The following FBXO24 variants were observed in gnomAD, a reference collection of about 807,000 sequenced individuals.
FBXO24 encodes F-box only protein 24.
A neutral mutation model predicts 63.5 loss-of-function variants in FBXO24; 30 were observed. The observed-to-expected ratio is 0.47, with a 90% CI of 0.35 to 0.64. The LOEUF (loss-of-function observed/expected upper bound fraction) is 0.64. Ranked by LOEUF, FBXO24 falls within the 30% of genes least tolerant of loss-of-function variation. The pLI is 0.00. For synonymous variants in FBXO24, 300 were observed against 305.0 expected, an observed-to-expected ratio of 0.98 and a Z score of 0.17; for missense variants, 624 against 763.4, an observed-to-expected ratio of 0.82 and a Z score of 2.15.
chr7:100,586,507 C>A lies in FBXO24; in HGVS notation c.-119C>A. 9.3e-7 allele frequency: 1 copy of A among 1,074,584 alleles called. No homozygotes were observed. The highest frequency in any genetic ancestry group is 1.4e-6 in the Non-Finnish European group (1 of 706,758). 66.6% of individuals were successfully genotyped at this position (1,074,584 alleles called of 1,614,324 possible). A position where few individuals can be genotyped will look rare whatever the true frequency, so the allele number is the denominator to read the frequency against. On this transcript the variant is annotated 5_prime_UTR_variant, in exon 1 of 10. Transcript: ENST00000241071. ...AAGCAGGGGGTGCCTAGTCCTCGTC[C>A]CCCAAAGACCAATCGTAAGCCAGAT...
rs1372732332 is a variant in FBXO24 at position 100,600,823 on chromosome 7, T to C, written c.1667T>C (p.Phe556Ser). Reference protein sequence around the residue: ...MPLMAAQKDFFWEALDMLQRA... With the variant: ...MPLMAAQKDFSWEALDMLQRA... Reference sequence around the variant, plus strand: ...CTGATGGCCGCACAGAAGGACTTCTTCTGGGAGGCCCTGGACATGCTGCAG... The same window carrying C: ...CTGATGGCCGCACAGAAGGACTTCTCCTGGGAGGCCCTGGACATGCTGCAG... Residue 556 changes from phenylalanine to serine, a missense_variant, in exon 10 of 10, where the codon TTC becomes TCC. By Grantham distance (155) the Phe-to-Ser change is radical. Transcript: ENST00000241071. This position sits in a 1 kb window ranked among gnomAD's most constrained non-coding sequence, Gnocchi z 6.3. 4 of 1,614,096 alleles carry C rather than the reference T, an allele frequency of 2.5e-6. No homozygotes were observed. Among genetic ancestry groups the C allele is most frequent in the Non-Finnish European group, 2.5e-6 (3 of 1,179,982 alleles).
chr7:100,599,247 C>T (rs1257447848), intron 8 of FBXO24, among the ~76,000 whole-genome samples: 1 of 151,938 alleles, frequency 6.6e-6, no homozygotes, highest in East Asian at 1.9e-4. Context: ...GAATGAGACC[C>T]CATCTCTAAA....
chr7:100,592,008 CCTAG>C, intron 4 of FBXO24, 106 bp downstream of exon 4: 1 of 1,143,412 alleles, frequency 8.7e-7, no homozygotes, highest in Non-Finnish European at 1.3e-6. Context: ...CACCTGTAAT[CCTAG>C]CACTTTGGGA....
rs761960792 is a variant in FBXO24, at chr7:100,586,614, C to A, written c.-12C>A. 1 of 1,614,226 alleles carries A rather than the reference C, an allele frequency of 6.2e-7. No individual in the cohort carries two copies. Among genetic ancestry groups the A allele is most frequent in the Admixed American group, 1.7e-5 (1 of 60,034 alleles). ...GCCTCTTCTCTGAGGGACGGCTCTA[C>A]CTACCAATAGCATGGGCGAGAAGGC... On this transcript the variant is annotated 5_prime_UTR_variant, in exon 1 of 10. Coordinates refer to ENST00000241071, the MANE Select transcript of FBXO24 (RefSeq NM_033506.3).
chr7:100,589,971 G>T lies in FBXO24; in HGVS notation c.40-6G>T. 6.2e-7 allele frequency: 1 copy of T among 1,611,990 alleles called. No homozygotes were observed. Among genetic ancestry groups the T allele is most frequent in the Non-Finnish European group, 8.5e-7 (1 of 1,179,000 alleles). ...CATGGGACCCTATGCACCCCTTCTT[G>T]GGTAGGTGAAGAGAAGCTGCCCTTC... On this transcript the variant is annotated splice_polypyrimidine_tract_variant and splice_region_variant and intron_variant, in intron 1 of 9. Transcript: ENST00000241071.
chr7:100,588,583 C>T (rs1282159289), intron 1 of FBXO24, among the ~76,000 whole-genome samples: 3 of 152,178 alleles, frequency 2.0e-5, no homozygotes, highest in Non-Finnish European at 4.4e-5. Context: ...CTTTGAGCCC[C>T]TGCAAGAGCC....
At chr7:100,595,374 C>T (rs1002934016) in intron 7 of FBXO24, 151 bp downstream of exon 7, 103 of 1,434,502 alleles carry the variant, frequency 7.2e-5, no homozygotes, top group Middle Eastern at 1.9e-4. Flanking sequence ...GGGCTCGGTG[C>T]GGAGGGAGGC....
intron 8 of FBXO24, among the ~76,000 whole-genome samples, chr7:100,595,983 A>G (rs1802286538): frequency 6.6e-6 from 1 of 152,186 alleles, no homozygotes; most frequent in Non-Finnish European, 1.5e-5. Context: ...AGAAGAGGTA[A>G]GATGTGAGCA....
intron 5 of FBXO24, among the ~76,000 whole-genome samples, chr7:100,593,562 A>C (rs1347686359): frequency 6.7e-6 from 1 of 148,712 alleles, no homozygotes; most frequent in Admixed American, 6.9e-5. Context: ...CAGGAGGCAG[A>C]GGTTGCAGTG....
At position 100,586,439 on chromosome 7, in the gene FBXO24, G is replaced by A; in HGVS notation, c.-187G>A. 4 of 668,160 alleles carry A rather than the reference G, an allele frequency of 6.0e-6. No individual in the cohort carries two copies. The allele number at this position is 668,160 out of a possible 1,614,324, so 41.4% of individuals were successfully genotyped here. ...CAATCAGGTCCAACCAAGAGGAGGG[G>A]ACACCGGCACTCCACTAGCAGGAAA... On this transcript the variant is annotated 5_prime_UTR_variant, in exon 1 of 10. Coordinates refer to ENST00000241071, the MANE Select transcript of FBXO24 (RefSeq NM_033506.3).
At chr7:100,595,287 G>C (rs1267311081) in intron 7 of FBXO24, 64 bp downstream of exon 7, 1 of 1,608,610 alleles carries the variant, frequency 6.2e-7, no homozygotes, top group African/African-American at 1.3e-5. Context: ...AAGGTCTGAA[G>C]TATTATAGGA....
At chr7:100,586,708 C>T (rs375799189) in intron 1 of FBXO24, 44 bp downstream of exon 1, 7 of 1,610,084 alleles carry the variant, frequency 4.3e-6, no homozygotes, top group African/African-American at 1.3e-5. Flanking sequence ...GAACGCGGAG[C>T]CCCTGGCCGG....
At chr7:100,596,653 T>C (rs1802321894) in intron 8 of FBXO24, among the ~76,000 whole-genome samples, 1 of 152,082 alleles carries the variant, frequency 6.6e-6, no homozygotes, top group Admixed American at 6.6e-5. Flanking sequence ...CGCCTGGTGC[T>C]GCAGCGAGAA....
intron 8 of FBXO24, among the ~76,000 whole-genome samples, chr7:100,597,034 T>C (rs1341917041): frequency 1.3e-5 from 2 of 152,096 alleles, no homozygotes; most frequent in Admixed American, 6.6e-5. Context: ...GGAGAGAGAC[T>C]CTGTCTCAAA....
At position 100,595,614 on chromosome 7, in the gene FBXO24, G is replaced by A. The variant is rs1188611321; in HGVS notation, c.1114G>A (p.Val372Met). ...TCTTGGCTACAACCACCTTGGCCTGGTGGATGAATTTGGCCGAATCTTCAT... is the reference window on the plus strand; with the variant it reads ...TCTTGGCTACAACCACCTTGGCCTGATGGATGAATTTGGCCGAATCTTCAT... ...CALGYNHLGL[V>M]DEFGRIFMQG... is the part of the protein sequence containing the mutation. The change falls in exon 8 of 10, where the codon GTG (valine) becomes ATG (methionine). Residue 372 changes from valine to methionine, a missense_variant. Coordinates refer to ENST00000241071, the MANE Select transcript of FBXO24 (RefSeq NM_033506.3). 8 of 1,613,258 alleles carry A rather than the reference G, an allele frequency of 5.0e-6. No homozygotes were observed. The highest frequency in any genetic ancestry group is 6.8e-6 in the Non-Finnish European group (8 of 1,179,526).
intron 5 of FBXO24, among the ~76,000 whole-genome samples, chr7:100,593,793 T>G (rs1802153588): frequency 3.5e-5 from 4 of 115,330 alleles, no homozygotes; most frequent in Admixed American, 3.4e-4. Flanking sequence ...TGAGACTCCA[T>G]CTCCAAAAAA....
rs1457314717 is a variant in FBXO24 at position 100,587,015 on chromosome 7, G to A, written c.39+351G>A. On this transcript the variant is annotated intron_variant, in intron 1 of 9. Transcript: ENST00000241071. The stretch of plus-strand genomic sequence containing the variant: ...GCCGTCTCACCCGAGGAGCTCCCCT[G>A]GACAGGAATGGAGAGGGGACCAGAC... 2.0e-5 allele frequency among the ~76,000 whole-genome samples: 3 copies of A among 152,210 alleles called. No homozygotes were observed. In the South Asian group the frequency reaches 6.2e-4, roughly 31 times the overall value.
In FBXO24 at chr7:100,594,953, G is replaced by T; in HGVS notation, c.953-149G>T. On this transcript the variant is annotated intron_variant, in intron 6 of 9. Transcript: ENST00000241071. This position sits in a 1 kb window ranked among gnomAD's most constrained non-coding sequence, Gnocchi z 4.2. ...GACCGAGGGAGACTCGGTCTCAAAA[G>T]ATGTGTTTTCAGTTCCCAGGCATCA... is the stretch of plus-strand genomic sequence containing the variant. The T allele has an allele frequency of 8.8e-7, 1 of 1,137,430 alleles. No homozygotes were observed. Among genetic ancestry groups the T allele is most frequent in the Non-Finnish European group, 1.2e-6 (1 of 805,550 alleles). 70.5% of individuals were successfully genotyped at this position (1,137,430 alleles called of 1,614,324 possible). A position where few individuals can be genotyped will look rare whatever the true frequency, so the allele number is the denominator to read the frequency against.
intron 1 of FBXO24, 103 bp downstream of exon 1, chr7:100,586,767 TA>T (rs1436669776): frequency 2.3e-6 from 3 of 1,314,926 alleles, no homozygotes. Context: ...CTGGACGTGT[TA>T]GGGGGCTAGC....
Sources: allele counts gnomAD v4.1 joint callset (sites outside exome capture counted in the v4.1 genomes callset), GRCh38; gene constraint gnomAD v4.1.1; non-coding constraint Gnocchi (gnomAD v3.1); transcripts MANE v1.5; gene names NCBI Gene and HGNC (gene_info 2026-07-23, HGNC 2026-07-21).